HHAT: variants seen among roughly 807,000 people sequenced by gnomAD.
HHAT encodes the protein hedgehog acyltransferase.
In HHAT, 47 loss-of-function variants were observed where a neutral mutation model predicts 70.8. The ratio of observed to expected loss-of-function variants is 0.66; its 90% CI spans 0.53 to 0.85. The LOEUF (loss-of-function observed/expected upper bound fraction) is 0.85, where lower values mean the gene tolerates loss of function less well. Among genes scored for constraint, HHAT ranks in the 40% least tolerant of loss-of-function variants. The pLI is 0.00. For synonymous variants in HHAT, 228 were observed against 247.6 expected, an observed-to-expected ratio of 0.92 and a Z score of 0.74; for missense variants, 609 against 604.8, an observed-to-expected ratio of 1.01 and a Z score of -0.07.
At chr1:210,484,409 T>C (rs1490118825) in intron 8 of HHAT, among the ~76,000 whole-genome samples, 1 of 152,158 alleles carries the variant, frequency 6.6e-6, no homozygotes, top group East Asian at 1.9e-4. Flanking sequence ...AGGGACACCA[T>C]GTCCAACTCT....
intron 6 of HHAT, among the ~76,000 whole-genome samples, chr1:210,409,300 C>T (rs990997799): frequency 2.6e-5 from 4 of 152,074 alleles, no homozygotes; most frequent in Admixed American, 6.6e-5. Context: ...AGCCTTGTTG[C>T]GCTGACTTGG....
At position 210,386,230 on chromosome 1, in the gene HHAT, C is replaced by CTTTCTTTTTTTTT. The variant is rs1324452281; in HGVS notation, c.160-1235_160-1234insCTTTTTTTTTTTT. Among the ~76,000 whole-genome samples, 62 of 69,920 alleles carry CTTTCTTTTTTTTT rather than the reference C, an allele frequency of 8.9e-4. 3 individuals are homozygous for CTTTCTTTTTTTTT. Among genetic ancestry groups the CTTTCTTTTTTTTT allele is most frequent in the East Asian group, 2.4e-3 (5 of 2,082 alleles). The allele number at this position is 69,920 out of a possible 152,430, so 45.9% of individuals were successfully genotyped here. A position where few individuals can be genotyped will look rare whatever the true frequency, so the allele number is the denominator to read the frequency against. ...ATTGCAGGAGTCCTTTTCTTTTTTT[C>CTTTCTTTTTTTTT]TTTTTTTTTTTTTTTTTTTTTTTTT... On this transcript the variant is annotated intron_variant, in intron 3 of 11. Coordinates refer to ENST00000261458, the MANE Select transcript of HHAT (RefSeq NM_018194.6).
intron 9 of HHAT, among the ~76,000 whole-genome samples, chr1:210,551,955 C>A (rs1418918524): frequency 6.6e-6 from 1 of 152,232 alleles, no homozygotes; most frequent in East Asian, 1.9e-4. Flanking sequence ...CAGATTGGAA[C>A]ATGAGCTTTC....
intron 9 of HHAT, among the ~76,000 whole-genome samples, chr1:210,537,793 G>A (rs2095389540): frequency 6.6e-6 from 1 of 152,160 alleles, no homozygotes; most frequent in South Asian, 2.1e-4. Flanking sequence ...AGATTTGATT[G>A]TTGTTTAAGG....
At chr1:210,441,934 T>C (rs1009397368) in intron 7 of HHAT, among the ~76,000 whole-genome samples, 3 of 151,718 alleles carry the variant, frequency 2.0e-5, no homozygotes, top group South Asian at 2.1e-4. Context: ...TGTGCCATGC[T>C]GGTGTGCTGA....
At chr1:210,360,247 A>C (rs1002643883) in intron 2 of HHAT, among the ~76,000 whole-genome samples, 1 of 152,108 alleles carries the variant, frequency 6.6e-6, no homozygotes, top group African/African-American at 2.4e-5. Flanking sequence ...GTGTCAAGAA[A>C]TGAGACAAAG....
At chr1:210,585,136 G>A (rs1256395618) in intron 9 of HHAT, among the ~76,000 whole-genome samples, 1 of 149,478 alleles carries the variant, frequency 6.7e-6, no homozygotes, top group Non-Finnish European at 1.5e-5. Flanking sequence ...GGTTGTAATG[G>A]AAGCAGTAAG....
chr1:210,540,602 CTA>C (rs1317361914), intron 9 of HHAT, among the ~76,000 whole-genome samples: 4 of 150,966 alleles, frequency 2.6e-5, no homozygotes, highest in African/African-American at 4.9e-5. Context: ...AAAACACACA[CTA>C]TGTGTATGTT....
At chr1:210,502,297 TG>T in intron 8 of HHAT, among the ~76,000 whole-genome samples, 1 of 141,114 alleles carries the variant, frequency 7.1e-6, no homozygotes, top group East Asian at 2.1e-4. Flanking sequence ...GGCAGGAGAA[TG>T]GCATGAACCC....
At chr1:210,562,290 G>A (rs1233612095) in intron 9 of HHAT, among the ~76,000 whole-genome samples, 2 of 151,360 alleles carry the variant, frequency 1.3e-5, no homozygotes, top group African/African-American at 4.9e-5. Context: ...AATCTGCATC[G>A]TTGACGTTGG....
Position 210,668,186 on chromosome 1 carries a change from C to T in HHAT, c.1391-6102C>T, listed in dbSNP as rs561944031. Among the ~76,000 whole-genome samples the T allele has an allele frequency of 2.5e-3, 387 of 152,236 alleles. 1 individual carries two copies. The highest frequency in any genetic ancestry group is 4.8e-3 in the Non-Finnish European group (325 of 68,018). Reference sequence around the variant, plus strand: ...TAAATAATCTCTTGTATTTTTACACCATGTTCTGCTTATCCATTCATTTGT... The same window carrying T: ...TAAATAATCTCTTGTATTTTTACACTATGTTCTGCTTATCCATTCATTTGT... On this transcript the variant is annotated intron_variant, in intron 11 of 11. Coordinates refer to ENST00000261458, the MANE Select transcript of HHAT (RefSeq NM_018194.6).
chr1:210,446,544 C>T (rs912995829), intron 7 of HHAT, among the ~76,000 whole-genome samples: 1 of 152,182 alleles, frequency 6.6e-6, no homozygotes, highest in Non-Finnish European at 1.5e-5. Context: ...GTCTGATCCT[C>T]CTTAACAAAA....
At chr1:210,355,119 T>C (rs2087474134) in intron 2 of HHAT, among the ~76,000 whole-genome samples, 1 of 128,876 alleles carries the variant, frequency 7.8e-6, no homozygotes, top group Non-Finnish European at 1.7e-5. Context: ...TTCTAGCTGA[T>C]TATTTCTGAT....
intron 3 of HHAT, among the ~76,000 whole-genome samples, chr1:210,377,423 A>G (rs1367451316): frequency 1.3e-5 from 2 of 152,188 alleles, no homozygotes; most frequent in South Asian, 2.1e-4. Flanking sequence ...CTGAAACTTA[A>G]TATTTCTTTT....
Position 210,377,791 on chromosome 1 carries a change from G to A in HHAT, c.160-9677G>A, listed in dbSNP as rs1397662546. 3.9e-5 allele frequency among the ~76,000 whole-genome samples: 6 copies of A among 152,158 alleles called. No homozygotes were observed. The East Asian group carries it at 9.6e-4, about 24-fold the overall frequency. On this transcript the variant is annotated intron_variant, in intron 3 of 11. Coordinates refer to ENST00000261458, the MANE Select transcript of HHAT (RefSeq NM_018194.6). ...GACCAATTTGCCTGGCTTCTGTGGC[G>A]AGGGGCAATGAAGAGGCTGGGAATG...
At chr1:210,636,135 G>C (rs947833025) in intron 11 of HHAT, among the ~76,000 whole-genome samples, 2 of 152,120 alleles carry the variant, frequency 1.3e-5, no homozygotes, top group East Asian at 1.9e-4. Context: ...TTGGATACTT[G>C]GTTATCTTTG....
intron 8 of HHAT, among the ~76,000 whole-genome samples, chr1:210,493,608 C>A (rs1330798928): frequency 2.0e-5 from 3 of 152,296 alleles, no homozygotes; most frequent in Non-Finnish European, 4.4e-5. Flanking sequence ...TAAAATTAAT[C>A]ATCCCAGGTC....
At chr1:210,361,916 A>G (rs2088365719) in intron 2 of HHAT, among the ~76,000 whole-genome samples, 1 of 152,172 alleles carries the variant, frequency 6.6e-6, no homozygotes, top group East Asian at 1.9e-4. Flanking sequence ...TCCTTCCTGC[A>G]TCATGGCACT....
In HHAT at chr1:210,540,465, ACACACG is replaced by A. The variant is rs1442272303; in HGVS notation, c.1043+27283_1043+27288del. Among the ~76,000 whole-genome samples, 5 of 135,072 alleles carry A rather than the reference ACACACG, an allele frequency of 3.7e-5. No homozygotes were observed. The South Asian group carries it at 9.5e-4, about 26-fold the overall frequency. The allele number at this position is 135,072 out of a possible 152,430, so 88.6% of individuals were successfully genotyped here. On this transcript the variant is annotated intron_variant, in intron 9 of 11. Coordinates refer to ENST00000261458, the MANE Select transcript of HHAT (RefSeq NM_018194.6). ...CTCTTACACACACACACACACACAC[ACACACG>A]CACACACATGCACACACACGCACAC... is the stretch of plus-strand genomic sequence containing the variant.
Sources: allele counts gnomAD v4.1 joint callset (sites outside exome capture counted in the v4.1 genomes callset), GRCh38; gene constraint gnomAD v4.1.1; transcripts MANE v1.5; gene names NCBI Gene and HGNC (gene_info 2026-07-23, HGNC 2026-07-21).